Variants in PLCB4 observed in about 807,000 individuals in gnomAD.
PLCB4 encodes 1-phosphatidylinositol 4,5-bisphosphate phosphodiesterase beta-4.
Under a neutral mutation model 178.8 loss-of-function variants are expected in PLCB4, and 77 were observed. The observed-to-expected ratio is 0.43, with a 90% CI of 0.36 to 0.52. The LOEUF is 0.52. Ranked by LOEUF, PLCB4 falls within the 20% of genes least tolerant of loss-of-function variation. The pLI, the probability that PLCB4 is intolerant of heterozygous loss-of-function variation, is 0.00. For missense variants in PLCB4, 1,024 were observed against 1,453.4 expected (o/e 0.70, Z 4.80); for synonymous variants, 496 against 490.8 (o/e 1.01, Z -0.14).
intron 2 of PLCB4, among the ~76,000 whole-genome samples, chr20:9,107,446 G>C (rs2091408148): frequency 6.6e-6 from 1 of 152,154 alleles, no homozygotes; most frequent in Admixed American, 6.6e-5. Context: ...ACCCACCCCG[G>C]CCTGAGATGG....
intron 2 of PLCB4, among the ~76,000 whole-genome samples, chr20:9,152,641 G>A (rs919862948): frequency 6.6e-6 from 1 of 152,174 alleles, no homozygotes; most frequent in Non-Finnish European, 1.5e-5. Flanking sequence ...CAGGGGCGGG[G>A]AACTTCATGG....
chr20:9,250,195 T>C (rs1019374000), intron 3 of PLCB4, among the ~76,000 whole-genome samples: 2 of 152,150 alleles, frequency 1.3e-5, no homozygotes, highest in African/African-American at 4.8e-5. Context: ...TAAGAATAAG[T>C]TCCTTGAAGC....
At chr20:9,420,813 C>T (rs2040577743) in intron 26 of PLCB4, among the ~76,000 whole-genome samples, 1 of 152,190 alleles carries the variant, frequency 6.6e-6, no homozygotes, top group South Asian at 2.1e-4. Flanking sequence ...CATTATAAAA[C>T]TGTCCTAGCT....
At chr20:9,418,265 T>C (rs1186490191) in intron 25 of PLCB4, among the ~76,000 whole-genome samples, 1 of 152,286 alleles carries the variant, frequency 6.6e-6, no homozygotes, top group Non-Finnish European at 1.5e-5. Flanking sequence ...ATGGCTTCTT[T>C]TAGGAATTTT....
At chr20:9,141,915 T>C (rs1258480152) in intron 2 of PLCB4, among the ~76,000 whole-genome samples, 3 of 151,944 alleles carry the variant, frequency 2.0e-5, no homozygotes, top group Non-Finnish European at 4.4e-5. Context: ...GTCTGAAAGT[T>C]AAAGTGTGAG....
At chr20:9,279,510 A>T (rs2094476379) in intron 3 of PLCB4, among the ~76,000 whole-genome samples, 2 of 152,034 alleles carry the variant, frequency 1.3e-5, no homozygotes, top group South Asian at 4.1e-4. Flanking sequence ...GGAATAGAAG[A>T]TTCATTTTAG....
chr20:9,452,866 T>G (rs192262014), intron 32 of PLCB4, among the ~76,000 whole-genome samples: 5 of 152,254 alleles, frequency 3.3e-5, no homozygotes, highest in Admixed American at 2.6e-4. Flanking sequence ...ATTCAAGAGC[T>G]CCAAAATGTG....
chr20:9,399,996 G>T (rs192104902), intron 19 of PLCB4, among the ~76,000 whole-genome samples: 2 of 152,108 alleles, frequency 1.3e-5, no homozygotes, highest in Non-Finnish European at 2.9e-5. Context: ...CTAGTTCCTC[G>T]TTTATAAGTA....
At chr20:9,315,847 C>T (rs186583708) in intron 4 of PLCB4, among the ~76,000 whole-genome samples, 127 of 152,036 alleles carry the variant, frequency 8.4e-4, no homozygotes, top group African/African-American at 2.3e-3. Flanking sequence ...GCACAAAAAT[C>T]GCTTGAACCT....
In PLCB4 at chr20:9,349,460, G is replaced by T. The variant is rs117014816; in HGVS notation, c.369+10423G>T. ...CTTTTTCTTAGGTTTCAATGTAACC[G>T]CAAATCCCCATGATCTGTGAGGTGG... On this transcript the variant is annotated intron_variant, in intron 7 of 39. Coordinates refer to ENST00000378473, the MANE Select transcript of PLCB4 (RefSeq NM_001377142.1). 8.7e-3 allele frequency among the ~76,000 whole-genome samples: 1,323 copies of T among 152,190 alleles called. 11 individuals carry two copies. Among genetic ancestry groups the T allele is most frequent in the Middle Eastern group, 0.014 (4 of 294 alleles).
At chr20:9,307,517 AC>A (rs2094784362) in intron 3 of PLCB4, among the ~76,000 whole-genome samples, 1 of 150,160 alleles carries the variant, frequency 6.7e-6, no homozygotes, top group Non-Finnish European at 1.5e-5. Context: ...ACACACACAC[AC>A]ACACACACAC....
chr20:9,114,106 C>T (rs1180259154), intron 2 of PLCB4, among the ~76,000 whole-genome samples: 6 of 151,966 alleles, frequency 3.9e-5, no homozygotes, highest in Non-Finnish European at 5.9e-5. Context: ...CCCAGCTACT[C>T]GGGAGGCTGA....
At position 9,427,265 on chromosome 20, in the gene PLCB4, A is replaced by G. The variant is rs566892840; in HGVS notation, c.2524+3313A>G. Among the ~76,000 whole-genome samples the G allele has an allele frequency of 3.0e-3, 464 of 152,186 alleles. 5 individuals carry two copies. Among genetic ancestry groups the G allele is most frequent in the Non-Finnish European group, 3.3e-3 (227 of 67,994 alleles). Reference sequence around the variant, plus strand: ...CAACAAAATAACTCCCAAAAGACACAAAGAAATAACAGAGCAGTGATGGCT... The same window carrying G: ...CAACAAAATAACTCCCAAAAGACACGAAGAAATAACAGAGCAGTGATGGCT... On this transcript the variant is annotated intron_variant, in intron 28 of 39. Transcript: ENST00000378473.
intron 7 of PLCB4, among the ~76,000 whole-genome samples, chr20:9,353,398 G>A (rs2034513441): frequency 6.6e-6 from 1 of 152,210 alleles, no homozygotes; most frequent in African/African-American, 2.4e-5. Flanking sequence ...GATATCTTGT[G>A]ACACTAACAC....
At chr20:9,235,227 G>A (rs1027920683) in intron 3 of PLCB4, among the ~76,000 whole-genome samples, 2 of 152,146 alleles carry the variant, frequency 1.3e-5, no homozygotes, top group African/African-American at 4.8e-5. Context: ...ATTGGGCAGG[G>A]AAGGGGTGCT....
intron 2 of PLCB4, among the ~76,000 whole-genome samples, chr20:9,208,818 G>A (rs903043763): frequency 6.6e-6 from 1 of 152,192 alleles, no homozygotes; most frequent in Admixed American, 6.5e-5. Flanking sequence ...TGGGATTACA[G>A]GCGTGAGCCA....
chr20:9,455,943 G>A (rs1052796985), intron 33 of PLCB4, among the ~76,000 whole-genome samples: 4 of 152,216 alleles, frequency 2.6e-5, no homozygotes, highest in African/African-American at 4.8e-5. Flanking sequence ...TCAAGCAATC[G>A]TCCTGCCTCG....
chr20:9,074,807 T>TTTTTA (rs1274975867), intron 1 of PLCB4, among the ~76,000 whole-genome samples: 3 of 123,436 alleles, frequency 2.4e-5, no homozygotes, highest in African/African-American at 6.5e-5. Flanking sequence ...TTTTTTTTTT[T>TTTTTA]AAACAAAACA....
At chr20:9,097,528 G>T (rs2090964380) in intron 2 of PLCB4, among the ~76,000 whole-genome samples, 1 of 152,116 alleles carries the variant, frequency 6.6e-6, no homozygotes, top group East Asian at 1.9e-4. Context: ...TTGGCTCTCA[G>T]ACTGTAAGAT....
Sources: allele counts gnomAD v4.1 joint callset (sites outside exome capture counted in the v4.1 genomes callset), GRCh38; gene constraint gnomAD v4.1.1; transcripts MANE v1.5; gene names NCBI Gene and HGNC (gene_info 2026-07-23, HGNC 2026-07-21).